Variants in CRHR1 observed in about 807,000 individuals in gnomAD.
The protein encoded by CRHR1 is corticotropin-releasing hormone receptor 1.
Under a neutral mutation model 56.0 loss-of-function variants are expected in CRHR1, and 28 were observed. The observed-to-expected ratio is 0.50, with a 90% CI of 0.37 to 0.69. The LOEUF (loss-of-function observed/expected upper bound fraction) is 0.69. Among genes scored for constraint, CRHR1 ranks in the 30% least tolerant of loss-of-function variants. The pLI is 0.00. For synonymous variants in CRHR1, 195 were observed against 216.5 expected (o/e 0.90, Z 0.87); for missense variants, 376 against 548.0 (o/e 0.69, Z 3.13).
Position 45,784,587 on chromosome 17 carries a change from C to G in CRHR1, c.33+10C>G. The stretch of plus-strand genomic sequence containing the variant: ...GCTCCGTCTCGTCAAGGTAACAGCC[C>G]GCCGGCCATCCCTCGAGCGCTGGCG... On this transcript the variant is annotated intron_variant, in intron 1 of 12. Transcript: ENST00000314537. This position sits in a 1 kb window ranked among gnomAD's most constrained non-coding sequence, Gnocchi z 4.2. The G allele has an allele frequency of 1.3e-6, 2 of 1,547,654 alleles. No homozygotes were observed. The highest frequency in any genetic ancestry group is 1.7e-6 in the Non-Finnish European group (2 of 1,146,622).
Position 45,834,636 on chromosome 17 carries a change from A to G in CRHR1, c.1120A>G (p.Ile374Val). The part of the protein sequence containing the change: ...CFLNSEVRSA[I>V]RKRWHRWQDK... ...CCTGTGCCCACAGGTCCGTTCTGCC[A>G]TCCGGAAGAGGTGGCACCGGTGGCA... Residue 374 changes from isoleucine (I) to valine (V), a missense_variant, in exon 13 of 13, where the codon ATC (isoleucine) becomes GTC (valine). Around this residue, in one of 2 missense-constraint regions of CRHR1, gnomAD observed 369 missense variants for 519.5 expected, o/e 0.71. Coordinates refer to ENST00000314537, the MANE Select transcript of CRHR1 (RefSeq NM_004382.5). 6.2e-7 allele frequency: 1 copy of G among 1,612,272 alleles called. No homozygotes were observed. The highest frequency in any genetic ancestry group is 1.7e-5 in the Admixed American group (1 of 59,960).
At chr17:45,834,138 GGC>G in intron 12 of CRHR1, 90 bp downstream of exon 12, 2 of 1,505,872 alleles carry the variant, frequency 1.3e-6, no homozygotes. Flanking sequence ...CCCCTCCCAG[GGC>G]TGCCTCTCTC....
At chr17:45,821,947 G>C (rs934628141) in intron 4 of CRHR1, among the ~76,000 whole-genome samples, 1 of 152,212 alleles carries the variant, frequency 6.6e-6, no homozygotes, top group African/African-American at 2.4e-5. Context: ...ACAGAACTCA[G>C]AAGGTACAAA....
In CRHR1 at chr17:45,791,848, TCTCTCA is replaced by T. The variant is rs1264409517; in HGVS notation, c.33+7273_33+7278del. Among the ~76,000 whole-genome samples, 412 of 123,398 alleles carry T rather than the reference TCTCTCA, an allele frequency of 3.3e-3. 2 individuals carry two copies. Among genetic ancestry groups the T allele is most frequent in the African/African-American group, 9.9e-3 (334 of 33,642 alleles). 81.0% of individuals were successfully genotyped at this position (123,398 alleles called of 152,430 possible). A position where few individuals can be genotyped will look rare whatever the true frequency, so the allele number is the denominator to read the frequency against. On this transcript the variant is annotated intron_variant, in intron 1 of 12. Transcript: ENST00000314537. ...CTCTCTCTCTTTCTCTCTCTCTCTCTCTCTCACACACACACACACACACACACACAC... is the reference window on the plus strand; with the variant it reads ...CTCTCTCTCTTTCTCTCTCTCTCTCTCACACACACACACACACACACACAC...
intron 1 of CRHR1, among the ~76,000 whole-genome samples, chr17:45,787,370 G>A (rs987037195): frequency 6.6e-6 from 1 of 152,186 alleles, no homozygotes; most frequent in African/African-American, 2.4e-5. Context: ...GTAAACATGG[G>A]TCCCAGTGTC....
chr17:45,833,698 A>ACCC lies in CRHR1; in HGVS notation c.930-15_930-13dup. On this transcript the variant is annotated splice_polypyrimidine_tract_variant and intron_variant, in intron 10 of 12. Coordinates refer to ENST00000314537, the MANE Select transcript of CRHR1 (RefSeq NM_004382.5). ...GTGGGCTGTGACTCCGAGCCTCCCC[A>ACCC]CCCGCCCCACCCCAGGAAGGCTGTG... The ACCC allele has an allele frequency of 8.8e-6, 3 of 340,474 alleles. No individual in the cohort carries two copies. Among genetic ancestry groups the ACCC allele is most frequent in the Admixed American group, 4.4e-5 (1 of 22,734 alleles). The allele number at this position is 340,474 out of a possible 1,614,324, so 21.1% of individuals were successfully genotyped here. A position where few individuals can be genotyped will look rare whatever the true frequency, so the allele number is the denominator to read the frequency against.
chr17:45,813,371 A>T (rs368525652), intron 2 of CRHR1, among the ~76,000 whole-genome samples: 5 of 145,910 alleles, frequency 3.4e-5, no homozygotes, highest in African/African-American at 9.9e-5. Flanking sequence ...GGATGGGGGA[A>T]CTTTGTCTCC....
At chr17:45,790,057 A>G (rs948997575) in intron 1 of CRHR1, among the ~76,000 whole-genome samples, 1 of 152,160 alleles carries the variant, frequency 6.6e-6, no homozygotes, top group African/African-American at 2.4e-5. Flanking sequence ...GGATGGGGGT[A>G]GAGGAAGGGT....
intron 8 of CRHR1, among the ~76,000 whole-genome samples, chr17:45,831,435 G>C (rs184576666): frequency 3.3e-5 from 5 of 152,230 alleles, no homozygotes; most frequent in African/African-American, 1.2e-4. Context: ...AGTGGACCTA[G>C]ATGATCTCAG....
At chr17:45,807,813 G>C (rs1393521537) in intron 2 of CRHR1, among the ~76,000 whole-genome samples, 1 of 152,206 alleles carries the variant, frequency 6.6e-6, no homozygotes, top group South Asian at 2.1e-4. Context: ...ATCCTCACAA[G>C]AGTGTAAAGC....
chr17:45,787,312 T>G (rs1235216209), intron 1 of CRHR1, among the ~76,000 whole-genome samples: 2 of 151,868 alleles, frequency 1.3e-5, no homozygotes, highest in African/African-American at 4.8e-5. Context: ...CACCTCGGAG[T>G]CAGCCACACA....
intron 1 of CRHR1, among the ~76,000 whole-genome samples, chr17:45,796,833 G>A (rs920128810): frequency 6.6e-6 from 1 of 152,210 alleles, no homozygotes; most frequent in East Asian, 1.9e-4. Context: ...GAGAAAGGTA[G>A]AGTGGTTAAG....
At chr17:45,833,035 T>C in intron 8 of CRHR1, 103 bp from the exon 9 acceptor site, 2 of 1,000,808 alleles carry the variant, frequency 2.0e-6, no homozygotes, top group South Asian at 1.3e-5. Flanking sequence ...ATCTACCTCT[T>C]GGCCTCCAGC....
intron 1 of CRHR1, among the ~76,000 whole-genome samples, chr17:45,802,336 AC>A (rs201879764): frequency 1.6e-4 from 25 of 152,260 alleles, no homozygotes; most frequent in Admixed American, 3.3e-4. Context: ...AAACAAACAA[AC>A]AAAAAAATTC....
At chr17:45,810,619 T>A (rs932907039) in intron 2 of CRHR1, among the ~76,000 whole-genome samples, 6 of 152,060 alleles carry the variant, frequency 3.9e-5, no homozygotes, top group African/African-American at 1.4e-4. Flanking sequence ...CCCCTGCAGT[T>A]TTCCGTACCC....
chr17:45,794,060 C>T (rs1287906518), intron 1 of CRHR1, among the ~76,000 whole-genome samples: 1 of 152,238 alleles, frequency 6.6e-6, no homozygotes, highest in African/African-American at 2.4e-5. Flanking sequence ...AGGCATCACA[C>T]TCTGTCCTCC....
At chr17:45,798,092 C>T (rs1179812329) in intron 1 of CRHR1, among the ~76,000 whole-genome samples, 1 of 152,164 alleles carries the variant, frequency 6.6e-6, no homozygotes. Context: ...CAATCTCCTG[C>T]TGGGAATCAT....
intron 1 of CRHR1, among the ~76,000 whole-genome samples, chr17:45,792,916 T>TACAAA (rs1432186807): frequency 2.6e-5 from 4 of 152,106 alleles, no homozygotes; most frequent in East Asian, 1.9e-4. Flanking sequence ...AAGATTCCCT[T>TACAAA]ACAAAACAAA....
intron 1 of CRHR1, among the ~76,000 whole-genome samples, chr17:45,786,704 A>G (rs1346661860): frequency 2.2e-5 from 3 of 135,444 alleles, no homozygotes; most frequent in African/African-American, 8.4e-5. Context: ...TAATGGTGTG[A>G]TCATGGCTCA....
Sources: allele counts gnomAD v4.1 joint callset (sites outside exome capture counted in the v4.1 genomes callset), GRCh38; gene constraint gnomAD v4.1.1; regional missense constraint gnomAD v4.1.1; non-coding constraint Gnocchi (gnomAD v3.1); transcripts MANE v1.5; gene names NCBI Gene and HGNC (gene_info 2026-07-23, HGNC 2026-07-21).